DMXL2: variants seen among roughly 807,000 people sequenced by gnomAD.
DMXL2 encodes Dmx like 2, also known as dmX-like protein 2.
A neutral mutation model predicts 331.1 loss-of-function variants in DMXL2; 103 were observed. The ratio of observed to expected loss-of-function variants is 0.31; its 90% CI spans 0.27 to 0.37. DMXL2 has a LOEUF of 0.37. Among genes scored for constraint, DMXL2 ranks in the 10% least tolerant of loss-of-function variants. DMXL2 has a pLI of 1.00. For missense variants in DMXL2, 3,171 were observed against 3,642.9 expected, an observed-to-expected ratio of 0.87 and a Z score of 3.33; for synonymous variants, 1,281 against 1,252.1, an observed-to-expected ratio of 1.02 and a Z score of -0.49.
chr15:51,528,881 A>G (rs1046740537), intron 13 of DMXL2, among the ~76,000 whole-genome samples: 21 of 152,210 alleles, frequency 1.4e-4, no homozygotes, highest in African/African-American at 3.9e-4. Context: ...GTCTTAAAAC[A>G]TTTTAAGAAA....
Position 51,537,487 on chromosome 15 carries a change from C to A in DMXL2, c.1617+1G>T. 6.2e-7 allele frequency: 1 copy of A among 1,605,236 alleles called. No individual in the cohort carries two copies. Among genetic ancestry groups the A allele is most frequent in the South Asian group, 1.1e-5 (1 of 90,104 alleles). The stretch of plus-strand genomic sequence containing the variant: ...ATAACTATTTCATCAATAAAATATA[C>A]CTGAACTTGTCTAAATATTCCAGGA... On this transcript the variant is annotated splice_donor_variant, in intron 11 of 43. Transcript: ENST00000560891. LOFTEE classifies it high-confidence loss of function.
At chr15:51,621,022 G>A (rs1420717337) in intron 1 of DMXL2, among the ~76,000 whole-genome samples, 1 of 152,180 alleles carries the variant, frequency 6.6e-6, no homozygotes, top group Non-Finnish European at 1.5e-5. Flanking sequence ...TGATGAAAGA[G>A]GCCCACTCTT....
At chr15:51,566,838 C>G (rs2050319264) in intron 3 of DMXL2, among the ~76,000 whole-genome samples, 1 of 151,966 alleles carries the variant, frequency 6.6e-6, no homozygotes, top group Non-Finnish European at 1.5e-5. Flanking sequence ...GTAATGCATG[C>G]AGGATGTTTT....
chr15:51,499,430 T>G lies in DMXL2; in HGVS notation c.3794A>C (p.Asp1265Ala). Residue 1265 changes from aspartate to alanine, a missense_variant, in exon 18 of 44, where the codon GAT (aspartate) becomes GCT (alanine). Asp to Ala is a moderately radical substitution (Grantham distance 126). Transcript: ENST00000560891. Reference protein sequence around the residue: ...VRDGILVVGMDCEMHVYAQWK... With the variant: ...VRDGILVVGMACEMHVYAQWK... The stretch of plus-strand genomic sequence containing the variant: ...CTGTGCATATACATGCATTTCACAA[T>G]CCATTCCTACCACCAATATCCCATC... 6.2e-7 allele frequency: 1 copy of G among 1,613,946 alleles called. No homozygotes were observed.
chr15:51,461,883 A>T (rs2040159277), intron 33 of DMXL2, among the ~76,000 whole-genome samples: 1 of 152,118 alleles, frequency 6.6e-6, no homozygotes, highest in African/African-American at 2.4e-5. Flanking sequence ...CCTATATTTT[A>T]GTTTATGGAA....
In DMXL2 at chr15:51,459,606, G is replaced by A; in HGVS notation, c.7981C>T (p.His2661Tyr). ...VNQNCIAEDCHIKVEADLGYP... is the reference protein window; with the variant it reads ...VNQNCIAEDCYIKVEADLGYP... ...AGATCTTGGAATACTACCTTGATGT[G>A]GCAATCTTCTGCTATGCAGTTTTGG... The change falls in exon 34 of 44, where the codon CAC (histidine) becomes TAC (tyrosine). Residue 2661 changes from histidine (H) to tyrosine (Y), a missense_variant. Around this residue, in one of 7 missense-constraint regions of DMXL2, gnomAD observed 766 missense variants for 940.5 expected, o/e 0.81. Coordinates refer to ENST00000560891, the MANE Select transcript of DMXL2 (RefSeq NM_001378457.1). 2 of 1,289,750 alleles carry A rather than the reference G, an allele frequency of 1.6e-6. No homozygotes were observed. The highest frequency in any genetic ancestry group is 1.2e-5 in the South Asian group (1 of 81,030). The allele number at this position is 1,289,750 out of a possible 1,614,324, so 79.9% of individuals were successfully genotyped here.
At chr15:51,615,309 G>A (rs1432191401) in intron 1 of DMXL2, among the ~76,000 whole-genome samples, 1 of 152,164 alleles carries the variant, frequency 6.6e-6, no homozygotes, top group Non-Finnish European at 1.5e-5. Context: ...TGTTTCAATA[G>A]AGCAGAAAAA....
intron 13 of DMXL2, among the ~76,000 whole-genome samples, chr15:51,530,559 G>A (rs569533400): frequency 2.0e-5 from 3 of 150,726 alleles, no homozygotes; most frequent in East Asian, 3.9e-4. Context: ...AGACCATCCT[G>A]GCTAACACAA....
Position 51,486,256 on chromosome 15 carries a change from T to A in DMXL2, c.5299A>T (p.Thr1767Ser), listed in dbSNP as rs747326817. The change falls in exon 23 of 44, where the codon ACT becomes TCT. Residue 1767 changes from threonine (T) to serine (S), a missense_variant. Physicochemically the swap from Thr to Ser is moderately conservative, Grantham distance 58 (BLOSUM62 1). Coordinates refer to ENST00000560891, the MANE Select transcript of DMXL2 (RefSeq NM_001378457.1). ...TTCTGATTTAGGATGGATATATAAG[T>A]GGATGAAGTCTCAAATTCAGATTCA... ...LYESEFETSSTYISILNQKIL... is the reference protein window; with the variant it reads ...LYESEFETSSSYISILNQKIL... 6.2e-7 allele frequency: 1 copy of A among 1,613,298 alleles called. No individual in the cohort carries two copies. Among genetic ancestry groups the A allele is most frequent in the Non-Finnish European group, 8.5e-7 (1 of 1,179,282 alleles).
intron 15 of DMXL2, among the ~76,000 whole-genome samples, chr15:51,513,582 C>A (rs909237420): frequency 6.6e-6 from 1 of 152,112 alleles, no homozygotes; most frequent in African/African-American, 2.4e-5. Context: ...AAATTGTCTG[C>A]ACAAATTACA....
chr15:51,615,392 G>A (rs1567190046), intron 1 of DMXL2, among the ~76,000 whole-genome samples: 1 of 152,186 alleles, frequency 6.6e-6, no homozygotes, highest in Non-Finnish European at 1.5e-5. Context: ...CAAACCGTAA[G>A]GTACAAATCA....
At chr15:51,621,000 A>G in intron 1 of DMXL2, among the ~76,000 whole-genome samples, 1 of 152,200 alleles carries the variant, frequency 6.6e-6, no homozygotes, top group East Asian at 1.9e-4. Context: ...CAAAGATTCC[A>G]GCTTTGTTTC....
chr15:51,478,656 T>A (rs2041775958), intron 25 of DMXL2, among the ~76,000 whole-genome samples: 1 of 152,102 alleles, frequency 6.6e-6, no homozygotes, highest in East Asian at 1.9e-4. Flanking sequence ...CCCTAACAAT[T>A]AGCTTAAATA....
intron 18 of DMXL2, among the ~76,000 whole-genome samples, chr15:51,495,475 T>C (rs1266939555): frequency 6.6e-6 from 1 of 152,180 alleles, no homozygotes; most frequent in African/African-American, 2.4e-5. Flanking sequence ...TTTAATAATA[T>C]TTTCTACATG....
rs1168763404 is a variant in DMXL2 at position 51,481,196 on chromosome 15, A to C, written c.5910T>G (p.Asp1970Glu). 1.5e-5 allele frequency: 24 copies of C among 1,613,854 alleles called. No individual in the cohort carries two copies. The highest frequency in any genetic ancestry group is 1.9e-5 in the Non-Finnish European group (23 of 1,179,904). ...CCCAATCAAGATTAAGAGGTTCCTCATCAACTTTTACTATTGGCTGACTCC... is the reference window on the plus strand; with the variant it reads ...CCCAATCAAGATTAAGAGGTTCCTCCTCAACTTTTACTATTGGCTGACTCC... ...YDWSQPIVKV[D>E]EEPLNLDWGE... The change falls in exon 24 of 44, where the codon GAT becomes GAG. Residue 1970 changes from aspartate to glutamate, a missense_variant. Around this residue, in one of 7 missense-constraint regions of DMXL2, gnomAD observed 244 missense variants for 251.4 expected, o/e 0.97. Coordinates refer to ENST00000560891, the MANE Select transcript of DMXL2 (RefSeq NM_001378457.1).
chr15:51,579,343 A>G (rs1046600536), intron 1 of DMXL2, among the ~76,000 whole-genome samples: 8 of 152,158 alleles, frequency 5.3e-5, no homozygotes, highest in African/African-American at 1.9e-4. Flanking sequence ...CATTTTCTAA[A>G]GAGTCTAATG....
chr15:51,480,873 T>C lies in DMXL2; in HGVS notation c.6233A>G (p.Glu2078Gly), dbSNP rs745365637. ...KLRFQLYNWL[E>G]KEIAALHEIC... is the part of the protein sequence containing the mutation. ...CTCATGCAAGGCAGCAATTTCCTTT[T>C]CAAGCCAGTTATAGAGTTGAAATCT... The change falls in exon 24 of 44, where the codon GAA (glutamate) becomes GGA (glycine). Residue 2078 changes from glutamate (E) to glycine (G), a missense_variant. By Grantham distance (98) the Glu-to-Gly change is moderately conservative. Around this residue, in one of 7 missense-constraint regions of DMXL2, gnomAD observed 20 missense variants for 46.3 expected, o/e 0.43. Transcript: ENST00000560891. 3 of 1,613,074 alleles carry C rather than the reference T, an allele frequency of 1.9e-6. No individual in the cohort carries two copies. In the South Asian group the frequency reaches 3.3e-5, roughly 18 times the overall value.
At chr15:51,451,449 A>G (rs1188149545) in intron 42 of DMXL2, among the ~76,000 whole-genome samples, 196 bp downstream of exon 42, 3 of 152,190 alleles carry the variant, frequency 2.0e-5, no homozygotes, top group African/African-American at 4.8e-5. Context: ...CTGAGACCAT[A>G]TATCTTTAAC....
Position 51,487,954 on chromosome 15 carries a change from C to T in DMXL2, c.5217G>A (p.Glu1739=), listed in dbSNP as rs1316758621. ...ATATAGTGTGTTTTCTTATTTATAC[C>T]TCTATGGCATCTTTCAATGAACCAG... The part of the protein sequence containing the change: ...LLAGSLKDAI[E]VCLEKMEDIQ... Residue 1739 remains glutamate, a splice_region_variant and synonymous_variant, in exon 22 of 44, where the codon GAG becomes GAA. Coordinates refer to ENST00000560891, the MANE Select transcript of DMXL2 (RefSeq NM_001378457.1). The T allele has an allele frequency of 6.2e-7, 1 of 1,603,202 alleles. No homozygotes were observed. The highest frequency in any genetic ancestry group is 2.2e-5 in the East Asian group (1 of 44,654).
Sources: gnomAD v4.1 joint callset for allele counts (sites outside exome capture counted in the v4.1 genomes callset) on GRCh38, gnomAD v4.1.1 for gene constraint, gnomAD v4.1.1 regional missense constraint, MANE v1.5 for transcripts, NCBI Gene and HGNC (gene_info 2026-07-23, HGNC 2026-07-21) for gene names.